The following NXPE2 variants were observed in gnomAD, a reference collection of about 807,000 sequenced individuals.
The protein encoded by NXPE2 is NXPE family member 2.
A neutral mutation model predicts 34.4 loss-of-function variants in NXPE2; 34 were observed. The ratio of observed to expected loss-of-function variants is 0.99; its 90% confidence interval spans 0.75 to 1.31. NXPE2 has a LOEUF of 1.31. Ranked by LOEUF, NXPE2 falls within the 40% of genes most tolerant of loss-of-function variation. The pLI is 0.00. For synonymous variants in NXPE2, 235 were observed against 231.3 expected (o/e 1.02, Z -0.15); for missense variants, 649 against 672.5 (o/e 0.97, Z 0.39).
intron 2 of NXPE2, among the ~76,000 whole-genome samples, chr11:114,682,951 A>G (rs1950974661): frequency 6.6e-6 from 1 of 152,010 alleles, no homozygotes; most frequent in South Asian, 2.1e-4. Flanking sequence ...AGATGCAATA[A>G]AAGTTGAACT....
chr11:114,505,121 A>C, the NXPE2 span, among the ~76,000 whole-genome samples: 1 of 152,188 alleles, frequency 6.6e-6, no homozygotes, highest in African/African-American at 2.4e-5. Context: ...CAAGCAGAGG[A>C]AACACTCAGA....
the NXPE2 span, among the ~76,000 whole-genome samples, chr11:114,639,858 A>G: frequency 1.3e-5 from 1 of 76,180 alleles, no homozygotes; most frequent in Non-Finnish European, 2.3e-5. Flanking sequence ...TATAATATAT[A>G]TTATATTTTA....
At chr11:114,740,703 A>G in the NXPE2 span, among the ~76,000 whole-genome samples, 1 of 152,176 alleles carries the variant, frequency 6.6e-6, no homozygotes. Flanking sequence ...AGAGTAGTTG[A>G]AGTGTGCTAT....
At chr11:114,589,020 G>A in the NXPE2 span, among the ~76,000 whole-genome samples, 1 of 152,184 alleles carries the variant, frequency 6.6e-6, no homozygotes, top group Non-Finnish European at 1.5e-5. Flanking sequence ...ACAAGAGAAG[G>A]ACTGAGGCTC....
At chr11:114,574,961 A>G in the NXPE2 span, among the ~76,000 whole-genome samples, 1 of 152,092 alleles carries the variant, frequency 6.6e-6, no homozygotes, top group Admixed American at 6.6e-5. Flanking sequence ...CTAGCTAACC[A>G]AATCCAATGG....
chr11:114,475,858 G>GA, the NXPE2 span, among the ~76,000 whole-genome samples: 1 of 152,128 alleles, frequency 6.6e-6, no homozygotes, highest in Non-Finnish European at 1.5e-5. Flanking sequence ...GGGAGAGAAG[G>GA]AGGTAACACA....
At chr11:114,609,709 C>T in the NXPE2 span, among the ~76,000 whole-genome samples, 75 of 150,942 alleles carry the variant, frequency 5.0e-4, no homozygotes, top group African/African-American at 1.6e-3. Flanking sequence ...CACTGTTACC[C>T]GGTGGATAAT....
In NXPE2 at chr11:114,678,574, A is replaced by G; in HGVS notation, c.-2A>G. ...CTATAATTCCTGTGAGAACACGAGAAGATGGTGGAGAAAATACTCATCCAT... is the reference window on the plus strand; with the variant it reads ...CTATAATTCCTGTGAGAACACGAGAGGATGGTGGAGAAAATACTCATCCAT... On this transcript the variant is annotated 5_prime_UTR_variant, in exon 1 of 6. Transcript: ENST00000389586. 1 of 1,548,084 alleles carries G rather than the reference A, an allele frequency of 6.5e-7. No homozygotes were observed. The highest frequency in any genetic ancestry group is 8.7e-7 in the Non-Finnish European group (1 of 1,143,696).
the NXPE2 span, among the ~76,000 whole-genome samples, chr11:114,642,493 C>T: frequency 6.6e-6 from 1 of 151,898 alleles, no homozygotes. Flanking sequence ...CTCATTGTTC[C>T]ACTCCCACTT....
At chr11:114,735,499 G>A in the NXPE2 span, among the ~76,000 whole-genome samples, 1 of 152,110 alleles carries the variant, frequency 6.6e-6, no homozygotes, top group Non-Finnish European at 1.5e-5. Flanking sequence ...TTGCAAAATG[G>A]GGGGGTTAAA....
the NXPE2 span, among the ~76,000 whole-genome samples, chr11:114,587,237 TCAG>T: frequency 6.6e-6 from 1 of 152,186 alleles, no homozygotes; most frequent in Non-Finnish European, 1.5e-5. Flanking sequence ...CATGGTCCCA[TCAG>T]CAGGAAAACA....
At position 114,706,878 on chromosome 11, in the gene NXPE2, C is replaced by T. The variant is rs758106665; in HGVS notation, c.1628C>T (p.Pro543Leu). 33 of 1,551,024 alleles carry T rather than the reference C, an allele frequency of 2.1e-5. No homozygotes were observed. The highest frequency in any genetic ancestry group is 1.7e-4 in the Middle Eastern group (1 of 6,016). The change falls in exon 6 of 6, where the codon CCG becomes CTG. Residue 543 changes from proline to leucine, a missense_variant. Coordinates refer to ENST00000389586, the MANE Select transcript of NXPE2 (RefSeq NM_182495.6). ...TATTGCACCAACAATGCCCATCCAC[C>T]GGATTATGTGATTCAAAATCAGATT... The part of the protein sequence containing the change: ...IAYCTNNAHP[P>L]DYVIQNQIGM...
the NXPE2 span, among the ~76,000 whole-genome samples, chr11:114,533,610 C>T: frequency 1.3e-5 from 2 of 152,218 alleles, no homozygotes; most frequent in Non-Finnish European, 2.9e-5. Context: ...TTCCAATGGG[C>T]TTCACAAACA....
chr11:114,799,565 G>C, the NXPE2 span, among the ~76,000 whole-genome samples: 6 of 152,214 alleles, frequency 3.9e-5, no homozygotes, highest in Admixed American at 3.3e-4. Context: ...AGACAAAGCA[G>C]CAGTCAGCCC....
At chr11:114,674,268 C>A (rs1171704974), upstream of NXPE2, among the ~76,000 whole-genome samples, 1 of 151,684 alleles carries the variant, frequency 6.6e-6, no homozygotes, top group African/African-American at 2.4e-5. Context: ...AACCAAATAA[C>A]CTTAATTTTC....
the NXPE2 span, among the ~76,000 whole-genome samples, chr11:114,562,811 GC>G: frequency 1.3e-5 from 2 of 152,186 alleles, no homozygotes; most frequent in African/African-American, 2.4e-5. Flanking sequence ...ATGTAATCAA[GC>G]TTCTCTCTAA....
At chr11:114,585,265 AT>A in the NXPE2 span, among the ~76,000 whole-genome samples, 1 of 151,594 alleles carries the variant, frequency 6.6e-6, no homozygotes, top group Non-Finnish European at 1.5e-5. Context: ...TTGAGATACT[AT>A]TTTTATTTTT....
chr11:114,801,083 G>C, the NXPE2 span, among the ~76,000 whole-genome samples: 1 of 152,118 alleles, frequency 6.6e-6, no homozygotes, highest in East Asian at 1.9e-4. Context: ...ACTTCTCTTT[G>C]CCAGAAGCTA....
chr11:114,805,323 A>G, the NXPE2 span, among the ~76,000 whole-genome samples: 1 of 151,894 alleles, frequency 6.6e-6, no homozygotes, highest in Admixed American at 6.6e-5. Flanking sequence ...CTCACTGGGG[A>G]GTGCCAGACA....
Sources: allele counts gnomAD v4.1 joint callset (sites outside exome capture counted in the v4.1 genomes callset), GRCh38; gene constraint gnomAD v4.1.1; transcripts MANE v1.5; gene names NCBI Gene and HGNC (gene_info 2026-07-23, HGNC 2026-07-21).